Variants in CDH10 observed in about 807,000 individuals in gnomAD.
CDH10 encodes cadherin-10.
In CDH10, 30 loss-of-function variants were observed where a neutral mutation model predicts 73.1. The observed-to-expected ratio is 0.41, with a 90% CI of 0.31 to 0.56. CDH10 has a LOEUF of 0.56. Among genes scored for constraint, CDH10 ranks in the 20% least tolerant of loss-of-function variants. CDH10 has a pLI of 0.27. For missense variants in CDH10, 815 were observed against 973.7 expected (o/e 0.84, Z 2.17); for synonymous variants, 345 against 348.2 (o/e 0.99, Z 0.10).
rs1183857716 is a variant in CDH10, at chr5:24,511,385, T to C, written c.944A>G (p.Asp315Gly). 1 of 1,612,742 alleles carries C rather than the reference T, an allele frequency of 6.2e-7. No individual in the cohort carries two copies. Among genetic ancestry groups the C allele is most frequent in the Non-Finnish European group, 8.5e-7 (1 of 1,178,760 alleles). Residue 315 changes from aspartate to glycine, a missense_variant, in exon 6 of 12, where the codon GAT (aspartate) becomes GGT (glycine). Transcript: ENST00000264463. ...EYRIIDGDGT[D>G]MFDIVTEKDT... ...CTTCTCAGTCACGATGTCAAACATA[T>C]CAGTACCGTCACCATCAATAATTCG...
At chr5:24,544,684 T>C (rs1299016565) in intron 2 of CDH10, among the ~76,000 whole-genome samples, 13 of 152,178 alleles carry the variant, frequency 8.5e-5, no homozygotes. Flanking sequence ...AGGTGTCCAA[T>C]CTGGGATGGT....
At chr5:24,571,188 T>C (rs768773392) in intron 2 of CDH10, among the ~76,000 whole-genome samples, 92 of 152,262 alleles carry the variant, frequency 6.0e-4, no homozygotes, top group Non-Finnish European at 1.0e-3. Context: ...ACTGTATACA[T>C]GGGGTAAATA....
chr5:24,491,178 T>C (rs1376680920), intron 11 of CDH10, among the ~76,000 whole-genome samples: 1 of 152,174 alleles, frequency 6.6e-6, no homozygotes, highest in African/African-American at 2.4e-5. Context: ...GATCTCTTAA[T>C]TCCATTAGAA....
At chr5:24,623,391 G>A (rs1041786927) in intron 1 of CDH10, among the ~76,000 whole-genome samples, 16 of 152,150 alleles carry the variant, frequency 1.1e-4, no homozygotes, top group African/African-American at 3.1e-4. Context: ...AATGTACAGC[G>A]CCAGGCCAAA....
At chr5:24,571,708 G>GA (rs35188983) in intron 2 of CDH10, among the ~76,000 whole-genome samples, 54,519 of 151,656 alleles carry the variant, frequency 0.36, 12,017 homozygotes, top group Non-Finnish European at 0.49. Context: ...ATAGTTCTAT[G>GA]AAAAAAAATA....
chr5:24,526,312 T>C (rs1336208838), intron 5 of CDH10, among the ~76,000 whole-genome samples: 1 of 151,968 alleles, frequency 6.6e-6, no homozygotes, highest in Admixed American at 6.6e-5. Flanking sequence ...ATAATTTCCA[T>C]ATACATGATT....
chr5:24,605,779 T>A (rs1746739990), intron 1 of CDH10, among the ~76,000 whole-genome samples: 1 of 152,220 alleles, frequency 6.6e-6, no homozygotes, highest in South Asian at 2.1e-4. Context: ...TATATCTTCT[T>A]TATTTATAAT....
intron 2 of CDH10, among the ~76,000 whole-genome samples, chr5:24,568,494 A>G (rs1034934790): frequency 6.6e-6 from 1 of 151,754 alleles, no homozygotes; most frequent in Non-Finnish European, 1.5e-5. Flanking sequence ...AAAAACAGAA[A>G]ACAAGTGTTG....
chr5:24,569,096 C>A (rs751897891), intron 2 of CDH10, among the ~76,000 whole-genome samples: 9 of 143,310 alleles, frequency 6.3e-5, no homozygotes, highest in Admixed American at 2.8e-4. Flanking sequence ...GGCAACAGAG[C>A]GAGACTCTGT....
intron 11 of CDH10, among the ~76,000 whole-genome samples, chr5:24,488,962 A>G (rs1426691044): frequency 1.3e-5 from 2 of 152,138 alleles, no homozygotes; most frequent in African/African-American, 2.4e-5. Context: ...GACAATATTC[A>G]TAATCAAAAC....
intron 2 of CDH10, among the ~76,000 whole-genome samples, chr5:24,583,079 C>T (rs1447048157): frequency 1.3e-5 from 2 of 151,608 alleles, no homozygotes; most frequent in Non-Finnish European, 1.5e-5. Flanking sequence ...AAAAACTAAA[C>T]GTCCTTTAAA....
Position 24,525,227 on chromosome 5 carries a change from A to G in CDH10, c.814+9885T>C, listed in dbSNP as rs569733618. 2.6e-5 allele frequency among the ~76,000 whole-genome samples: 4 copies of G among 152,162 alleles called. No homozygotes were observed. In the East Asian group the frequency reaches 7.7e-4, roughly 29 times the overall value. ...CTGTTTCTTTTTGTTGATAAAAACC[A>G]ATAAAGTTCAAAGAGATATAATGTA... is the stretch of plus-strand genomic sequence containing the variant. On this transcript the variant is annotated intron_variant, in intron 5 of 11. Coordinates refer to ENST00000264463, the MANE Select transcript of CDH10 (RefSeq NM_006727.5).
chr5:24,573,696 A>G (rs1745485457), intron 2 of CDH10, among the ~76,000 whole-genome samples: 2 of 140,770 alleles, frequency 1.4e-5, no homozygotes, highest in South Asian at 2.2e-4. Flanking sequence ...GCGAGACTCC[A>G]TCTCAAAAAA....
At chr5:24,543,536 A>G (rs1342594452) in intron 2 of CDH10, among the ~76,000 whole-genome samples, 1 of 152,198 alleles carries the variant, frequency 6.6e-6, no homozygotes, top group East Asian at 1.9e-4. Context: ...TCAAACAGCC[A>G]AGGTATTTTA....
intron 2 of CDH10, among the ~76,000 whole-genome samples, chr5:24,544,591 C>T (rs906945917): frequency 3.3e-5 from 5 of 152,246 alleles, no homozygotes; most frequent in African/African-American, 9.6e-5. Flanking sequence ...GAGTAAATAA[C>T]TAGGGATTCC....
chr5:24,562,148 A>T (rs1466710221), intron 2 of CDH10, among the ~76,000 whole-genome samples: 1 of 152,054 alleles, frequency 6.6e-6, no homozygotes, highest in East Asian at 1.9e-4. Context: ...AAAATAGAAA[A>T]AATGAGAAAC....
rs141862687 is a variant in CDH10 at position 24,578,964 on chromosome 5, T to C, written c.231+14296A>G. 3.4e-3 allele frequency among the ~76,000 whole-genome samples: 522 copies of C among 152,158 alleles called. 1 individual carries two copies. Among genetic ancestry groups the C allele is most frequent in the Middle Eastern group, 0.014 (4 of 288 alleles). ...AAATTTTAAACAAGCAAATGGAAGATAATAATTTTAAAAAGTTATAATTAC... is the reference window on the plus strand; with the variant it reads ...AAATTTTAAACAAGCAAATGGAAGACAATAATTTTAAAAAGTTATAATTAC... On this transcript the variant is annotated intron_variant, in intron 2 of 11. Transcript: ENST00000264463.
At chr5:24,538,395 C>T (rs560539154) in intron 2 of CDH10, among the ~76,000 whole-genome samples, 1 of 152,074 alleles carries the variant, frequency 6.6e-6, no homozygotes, top group Non-Finnish European at 1.5e-5. Context: ...TGTGCAGGAA[C>T]AAGGCAATAC....
intron 1 of CDH10, among the ~76,000 whole-genome samples, chr5:24,634,535 T>C (rs1003958673): frequency 6.6e-6 from 1 of 151,712 alleles, no homozygotes; most frequent in African/African-American, 2.4e-5. Flanking sequence ...AACAATCCTA[T>C]AAAATGGCCA....
Sources: allele counts gnomAD v4.1 joint callset (sites outside exome capture counted in the v4.1 genomes callset), GRCh38; gene constraint gnomAD v4.1.1; transcripts MANE v1.5; gene names NCBI Gene and HGNC (gene_info 2026-07-23, HGNC 2026-07-21).